NADK2: variants seen among roughly 807,000 people sequenced by gnomAD.
NADK2 encodes the protein NAD kinase 2, mitochondrial.
A neutral mutation model predicts 62.1 loss-of-function variants in NADK2; 35 were observed. The observed-to-expected ratio is 0.56, with a 90% confidence interval of 0.43 to 0.75. NADK2 has a LOEUF of 0.75. NADK2 is among the 30% of genes least tolerant of loss of function. NADK2 has a pLI of 0.00. For synonymous variants in NADK2, 205 were observed against 207.9 expected, an observed-to-expected ratio of 0.99 and a Z score of 0.12; for missense variants, 439 against 561.3, an observed-to-expected ratio of 0.78 and a Z score of 2.20.
intron 1 of NADK2, among the ~76,000 whole-genome samples, chr5:36,239,061 C>G (rs1019722231): frequency 1.3e-5 from 2 of 152,084 alleles, no homozygotes. Flanking sequence ...AAACCACCAC[C>G]ACGACAACAA....
Position 36,200,127 on chromosome 5 carries a change from T to TA in NADK2, c.1066+99dup, listed in dbSNP as rs35054254. 321 of 713,756 alleles carry TA rather than the reference T, an allele frequency of 4.5e-4. 1 individual carries two copies. In the East Asian group the frequency reaches 7.6e-3, roughly 17 times the overall value. The allele number at this position is 713,756 out of a possible 1,614,324, so 44.2% of individuals were successfully genotyped here. ...ATATTGTATTAAAAGCATGTTTGAGTAAAAAAAAGTACTTTGCTAATTAAA... is the reference window on the plus strand; with the variant it reads ...ATATTGTATTAAAAGCATGTTTGAGTAAAAAAAAAGTACTTTGCTAATTAAA... On this transcript the variant is annotated intron_variant, in intron 10 of 11. Coordinates refer to ENST00000381937, the MANE Select transcript of NADK2 (RefSeq NM_001085411.3).
upstream of NADK2, chr5:36,242,063 G>A (rs1011578874): frequency 5.1e-6 from 1 of 195,928 alleles, no homozygotes; most frequent in African/African-American, 2.3e-5. Context: ...CCAGCTAGTG[G>A]GTTTTGTTTG....
intron 10 of NADK2, 128 bp downstream of exon 10, chr5:36,200,099 G>A (rs1275146506): frequency 6.1e-6 from 3 of 490,162 alleles, no homozygotes; most frequent in African/African-American, 4.0e-5. Context: ...GACATTTAAG[G>A]GGATATTGTA....
In NADK2 at chr5:36,205,399, T is replaced by C. The variant is rs11744207; in HGVS notation, c.956+1771A>G. Among the ~76,000 whole-genome samples, 45,628 of 151,832 alleles carry C rather than the reference T, an allele frequency of 0.3. 8,229 individuals carry two copies. Among genetic ancestry groups the C allele is most frequent in the South Asian group, 0.49 (2,345 of 4,814 alleles). On this transcript the variant is annotated intron_variant, in intron 8 of 11. Transcript: ENST00000381937. This position sits in a 1 kb window ranked among gnomAD's most constrained non-coding sequence, Gnocchi z 4.1. ...GCATTCAAGGCAGGAAGAAGTTGCA[T>C]TGAGCAAAAATAAAAAGCCAAGCGA...
chr5:36,208,354 T>G lies in NADK2; in HGVS notation c.861-1089A>C, dbSNP rs542823347. Among the ~76,000 whole-genome samples, 17 of 152,236 alleles carry G rather than the reference T, an allele frequency of 1.1e-4. No homozygotes were observed. The East Asian group carries it at 3.3e-3, about 29-fold the overall frequency. On this transcript the variant is annotated intron_variant, in intron 7 of 11. Transcript: ENST00000381937. ...TCCTAGAAAACACACATTAGGAGCC[T>G]ATTATGTACAGACAAGCCAGCCAAA... is the stretch of plus-strand genomic sequence containing the variant.
intron 3 of NADK2, among the ~76,000 whole-genome samples, chr5:36,226,261 C>T (rs1307617607): frequency 6.6e-6 from 1 of 152,014 alleles, no homozygotes; most frequent in Non-Finnish European, 1.5e-5. Context: ...AAATGCATAC[C>T]TTAAATATGC....
At chr5:36,235,960 G>T (rs1434198993) in intron 1 of NADK2, among the ~76,000 whole-genome samples, 2 of 151,270 alleles carry the variant, frequency 1.3e-5, no homozygotes, top group South Asian at 4.2e-4. Flanking sequence ...CTGATATTTT[G>T]AAATTATATA....
intron 1 of NADK2, among the ~76,000 whole-genome samples, chr5:36,228,520 T>G (rs1180880255): frequency 6.6e-6 from 1 of 152,054 alleles, no homozygotes; most frequent in East Asian, 1.9e-4. Flanking sequence ...CCTGCCTCCG[T>G]TTACCAAGTA....
Position 36,241,027 on chromosome 5 carries a change from C to T in NADK2, c.300+472G>A, listed in dbSNP as rs1748090874. Among the ~76,000 whole-genome samples, 1 of 152,204 alleles carries T rather than the reference C, an allele frequency of 6.6e-6. No individual in the cohort carries two copies. The highest frequency in any genetic ancestry group is 2.4e-5 in the African/African-American group (1 of 41,456). ...TGTCCGCGGTTGTTTCGGCCCTTTT[C>T]CCCCGGCAGCCCTCAGCGGCGCCCT... On this transcript the variant is annotated intron_variant, in intron 1 of 11. Transcript: ENST00000381937. The surrounding 1 kb of genome is among the most constrained non-coding windows in gnomAD (Gnocchi z 4.9).
At position 36,205,010 on chromosome 5, in the gene NADK2, T is replaced by G. The variant is rs1746583266; in HGVS notation, c.956+2160A>C. On this transcript the variant is annotated intron_variant, in intron 8 of 11. Transcript: ENST00000381937. This position sits in a 1 kb window ranked among gnomAD's most constrained non-coding sequence, Gnocchi z 4.1. ...AAACTCTAAATTAAACTATACAAAT[T>G]TAAAAGTTTGATAAGCATTGTTTTA... 1.3e-5 allele frequency among the ~76,000 whole-genome samples: 2 copies of G among 152,022 alleles called. No homozygotes were observed. Among genetic ancestry groups the G allele is most frequent in the Admixed American group, 6.6e-5 (1 of 15,232 alleles).
chr5:36,197,577 ACT>A lies in NADK2; in HGVS notation c.1152_1153del (p.Arg384SerfsTer34). 6.2e-7 allele frequency: 1 copy of A among 1,609,882 alleles called. No individual in the cohort carries two copies. The highest frequency in any genetic ancestry group is 1.7e-5 in the Admixed American group (1 of 59,556). ...ACAACGCTGACGACTGCTTGAGAAAACTCTATTTGCTATTGGTTCTCGAATAC... is the reference window on the plus strand; with the variant it reads ...ACAACGCTGACGACTGCTTGAGAAAACTATTTGCTATTGGTTCTCGAATAC... On this transcript the variant is annotated frameshift_variant, in exon 11 of 12. Transcript: ENST00000381937. LOFTEE classifies it high-confidence loss of function.
intron 4 of NADK2, among the ~76,000 whole-genome samples, chr5:36,220,741 C>A (rs1399547632): frequency 6.6e-6 from 1 of 152,228 alleles, no homozygotes; most frequent in Non-Finnish European, 1.5e-5. Flanking sequence ...AAGACTTTCT[C>A]ATGAGGTTAC....
At chr5:36,215,711 G>A (rs748033272) in intron 6 of NADK2, among the ~76,000 whole-genome samples, 5 of 152,112 alleles carry the variant, frequency 3.3e-5, no homozygotes, top group Non-Finnish European at 4.4e-5. Context: ...GTCTTTCTAT[G>A]CTTGACTTAT....
chr5:36,240,009 T>C (rs1400071065), intron 1 of NADK2, among the ~76,000 whole-genome samples: 1 of 152,202 alleles, frequency 6.6e-6, no homozygotes, highest in Non-Finnish European at 1.5e-5. Context: ...CACATATTTA[T>C]GCATACATGG....
chr5:36,223,379 G>T (rs1417808575), intron 4 of NADK2, among the ~76,000 whole-genome samples: 1 of 152,126 alleles, frequency 6.6e-6, no homozygotes, highest in South Asian at 2.1e-4. Context: ...GGAGTCCCAG[G>T]GGACTCCAAT....
chr5:36,208,332 T>A lies in NADK2; in HGVS notation c.861-1067A>T, dbSNP rs574266770. ...ATTTCATAGCTTTGTTATGTCTTCCTAGAAAACACACATTAGGAGCCTATT... is the reference window on the plus strand; with the variant it reads ...ATTTCATAGCTTTGTTATGTCTTCCAAGAAAACACACATTAGGAGCCTATT... On this transcript the variant is annotated intron_variant, in intron 7 of 11. Transcript: ENST00000381937. Among the ~76,000 whole-genome samples, 20 of 152,164 alleles carry A rather than the reference T, an allele frequency of 1.3e-4. No individual in the cohort carries two copies. The South Asian group carries it at 4.2e-3, about 32-fold the overall frequency.
In NADK2 at chr5:36,233,800, T is replaced by C. The variant is rs925276837; in HGVS notation, c.301-6235A>G. ...CACAGTCAGTTTTGAGTTCTTTTGG[T>C]TGGCTACAAGATGAACTTCACGCAA... On this transcript the variant is annotated intron_variant, in intron 1 of 11. Coordinates refer to ENST00000381937, the MANE Select transcript of NADK2 (RefSeq NM_001085411.3). Among the ~76,000 whole-genome samples the C allele has an allele frequency of 2.6e-5, 4 of 152,288 alleles. 1 individual carries two copies. The South Asian group carries it at 6.2e-4, about 24-fold the overall frequency.
At position 36,201,209 on chromosome 5, in the gene NADK2, C is replaced by G. The variant is rs16902812; in HGVS notation, c.957-48G>C. 13,448 of 1,504,704 alleles carry G rather than the reference C, an allele frequency of 8.9e-3. 981 individuals carry two copies. In the East Asian group the frequency reaches 0.17, roughly 19 times the overall value. 93.2% of individuals were successfully genotyped at this position (1,504,704 alleles called of 1,614,324 possible). On this transcript the variant is annotated intron_variant, in intron 8 of 11. Transcript: ENST00000381937. Reference sequence around the variant, plus strand: ...TCTTAGTTTTAATTCTAAAAACATGCTAAAAATCAAAAAGGAATAACCTAC... The same window carrying G: ...TCTTAGTTTTAATTCTAAAAACATGGTAAAAATCAAAAAGGAATAACCTAC...
intron 3 of NADK2, among the ~76,000 whole-genome samples, chr5:36,226,024 C>G (rs1747468422): frequency 6.6e-6 from 1 of 152,154 alleles, no homozygotes; most frequent in South Asian, 2.1e-4. Flanking sequence ...ATGTGTCCAA[C>G]TTCAAATTTT....
Sources: gnomAD v4.1 joint callset for allele counts (sites outside exome capture counted in the v4.1 genomes callset) on GRCh38, gnomAD v4.1.1 for gene constraint, Gnocchi (gnomAD v3.1) non-coding constraint, MANE v1.5 for transcripts, NCBI Gene and HGNC (gene_info 2026-07-23, HGNC 2026-07-21) for gene names.